The following STARD8 variants were observed in gnomAD, a reference collection of about 807,000 sequenced individuals.
STARD8 encodes the protein StAR related lipid transfer domain containing 8.
Under a neutral mutation model 69.4 loss-of-function variants are expected in STARD8, and 25 were observed. The ratio of observed to expected loss-of-function variants is 0.36; its 90% CI spans 0.26 to 0.50. The LOEUF (loss-of-function observed/expected upper bound fraction) is 0.50, where lower values mean the gene tolerates loss of function less well. STARD8 is among the 20% of genes least tolerant of loss of function. The pLI, the probability that STARD8 is intolerant of heterozygous loss-of-function variation, is 0.96. For synonymous variants in STARD8, 389 were observed against 374.6 expected, an observed-to-expected ratio of 1.04 and a Z score of -0.45; for missense variants, 921 against 932.5, an observed-to-expected ratio of 0.99 and a Z score of 0.16.
chrX:68,663,969 C>T (rs994462525), intron 1 of STARD8, among the ~76,000 whole-genome samples: 6 of 111,717 alleles, frequency 5.4e-5, no homozygotes, highest in East Asian at 2.8e-4. Flanking sequence ...TTGTGGGCTA[C>T]GAGGGTGGAT....
At position 68,647,868 on chromosome X, in the gene STARD8, T is replaced by C; in HGVS notation, c.-15T>C. ...GCACAGCCCCGCCGGCCCTAGAAGC[T>C]CCCCACGCGCCACCATGCCTCTGCT... is the stretch of plus-strand genomic sequence containing the variant. On this transcript the variant is annotated 5_prime_UTR_variant, in exon 1 of 15. Coordinates refer to ENST00000374599, the MANE Select transcript of STARD8 (RefSeq NM_001142503.3). 1 of 1,195,463 alleles carries C rather than the reference T, an allele frequency of 8.4e-7. No homozygotes were observed. The highest frequency in any genetic ancestry group is 1.1e-6 in the Non-Finnish European group (1 of 887,623).
chrX:68,652,509 G>T (rs1731334657), intron 1 of STARD8, among the ~76,000 whole-genome samples: 1 of 111,236 alleles, frequency 9.0e-6, no homozygotes, highest in South Asian at 3.8e-4. Context: ...AGACGTTTAA[G>T]TGTGAGATGA....
intron 1 of STARD8, among the ~76,000 whole-genome samples, chrX:68,665,237 C>T (rs1247219256): frequency 8.9e-6 from 1 of 112,158 alleles, no homozygotes; most frequent in South Asian, 3.8e-4. Flanking sequence ...GACCTGGGGG[C>T]CTTCTCCATT....
intron 2 of STARD8, among the ~76,000 whole-genome samples, chrX:68,709,545 C>T (rs2080034045): frequency 8.9e-6 from 1 of 111,732 alleles, no homozygotes; most frequent in Admixed American, 9.5e-5. Context: ...TGGTGGCTCA[C>T]ACCTGTAATC....
chrX:68,651,645 C>T (rs1323536827), intron 1 of STARD8, among the ~76,000 whole-genome samples: 1 of 110,837 alleles, frequency 9.0e-6, no homozygotes, highest in Non-Finnish European at 1.9e-5. Flanking sequence ...TTCCCTCCCC[C>T]ACCATATGGA....
chrX:68,659,818 G>A (rs781499302), intron 1 of STARD8, among the ~76,000 whole-genome samples: 6 of 111,607 alleles, frequency 5.4e-5, no homozygotes, highest in Non-Finnish European at 7.5e-5. Context: ...GTCAGGCCTG[G>A]AGCAGCCCTG....
rs774690470 is a variant in STARD8, at chrX:68,717,890, C to T, written c.976C>T (p.Arg326Cys). The part of the protein sequence containing the change: ...IESLCPEDGH[R>C]LADWQPGRRW... ...GAGCCTGTGTCCTGAGGATGGACAC[C>T]GCCTGGCAGACTGGCAGCCAGGTAG... Residue 326 changes from arginine to cysteine, a missense_variant, in exon 6 of 15, where the codon CGC becomes TGC. Transcript: ENST00000374599. The T allele has an allele frequency of 1.8e-5, 22 of 1,208,394 alleles. 1 individual carries two copies. The highest frequency in any genetic ancestry group is 2.3e-4 in the Middle Eastern group (1 of 4,348).
At chrX:68,689,855 T>C (rs1231957076) in intron 2 of STARD8, among the ~76,000 whole-genome samples, 1 of 110,718 alleles carries the variant, frequency 9.0e-6, no homozygotes, top group African/African-American at 3.3e-5. Flanking sequence ...TGGCAATGTA[T>C]AGACAGTGAG....
At chrX:68,664,969 G>A (rs1453137544) in intron 1 of STARD8, among the ~76,000 whole-genome samples, 9 of 112,078 alleles carry the variant, frequency 8.0e-5, no homozygotes, top group African/African-American at 2.3e-4. Flanking sequence ...CTAGTCTTAT[G>A]AATGCAGATG....
chrX:68,722,220 A>G (rs184512138), intron 11 of STARD8, 59 bp downstream of exon 11: 47 of 1,045,276 alleles, frequency 4.5e-5, no homozygotes, highest in Non-Finnish European at 5.9e-5. Flanking sequence ...ATCAGGCCTG[A>G]CCTCGGTGCC....
At chrX:68,667,152 A>G (rs1008254897) in intron 2 of STARD8, among the ~76,000 whole-genome samples, 1 of 112,276 alleles carries the variant, frequency 8.9e-6, no homozygotes. Flanking sequence ...GAAAATGTCT[A>G]TTTAAAGGCA....
At chrX:68,649,338 T>C (rs1602529362) in intron 1 of STARD8, among the ~76,000 whole-genome samples, 2 of 110,279 alleles carry the variant, frequency 1.8e-5, no homozygotes, top group East Asian at 5.8e-4. Flanking sequence ...TCTTTCGTGA[T>C]GTGGCTCAAA....
At chrX:68,665,185 G>A (rs761464054) in intron 1 of STARD8, among the ~76,000 whole-genome samples, 102 of 111,886 alleles carry the variant, frequency 9.1e-4, no homozygotes, top group African/African-American at 3.2e-3. Context: ...ATCAGGCCTC[G>A]GAACAGTACT....
Position 68,717,975 on chromosome X carries a change from C to T in STARD8, c.1061C>T (p.Thr354Met), listed in dbSNP as rs200294485. The T allele has an allele frequency of 1.8e-4, 215 of 1,208,478 alleles. 1 individual carries two copies. The highest frequency in any genetic ancestry group is 2.8e-4 in the Admixed American group (13 of 45,743). Residue 354 changes from threonine (T) to methionine (M), a missense_variant, in exon 6 of 15, where the codon ACG (threonine) becomes ATG (methionine). Transcript: ENST00000374599. ...SCGSTGSHAS[T>M]YDNLPELYPA... Reference sequence around the variant, plus strand: ...GGCTCAACGGGCAGCCATGCCAGCACGTATGACAACTTGCCTGAGCTGTAC... The same window carrying T: ...GGCTCAACGGGCAGCCATGCCAGCATGTATGACAACTTGCCTGAGCTGTAC...
At chrX:68,655,394 T>A (rs1348550152) in intron 1 of STARD8, among the ~76,000 whole-genome samples, 1 of 112,189 alleles carries the variant, frequency 8.9e-6, no homozygotes, top group Non-Finnish European at 1.9e-5. Flanking sequence ...GGCAAGGGCC[T>A]ATACTCCATA....
intron 4 of STARD8, 26 bp downstream of exon 4, chrX:68,715,401 G>C: frequency 7.8e-6 from 9 of 1,156,686 alleles, no homozygotes; most frequent in Non-Finnish European, 1.1e-5. Flanking sequence ...GCCAGGCCTG[G>C]GAAGCCAAAG....
chrX:68,653,360 C>T (rs1368690328), intron 1 of STARD8, among the ~76,000 whole-genome samples: 1 of 21,779 alleles, frequency 4.6e-5, no homozygotes, highest in Non-Finnish European at 9.1e-5. Context: ...CCCACACACA[C>T]CCCCAAACGC....
chrX:68,669,672 C>T (rs990845430), intron 2 of STARD8, among the ~76,000 whole-genome samples: 2 of 112,258 alleles, frequency 1.8e-5, no homozygotes, highest in African/African-American at 6.5e-5. Flanking sequence ...AGCCCCTGCT[C>T]GCAACCCAAC....
intron 1 of STARD8, among the ~76,000 whole-genome samples, chrX:68,654,541 G>A (rs185067339): frequency 2.0e-4 from 22 of 111,585 alleles, no homozygotes; most frequent in African/African-American, 6.9e-4. Context: ...CTTAGGTCAT[G>A]CACATGAGTG....
Sources: gnomAD v4.1 joint callset for allele counts (sites outside exome capture counted in the v4.1 genomes callset) on GRCh38, gnomAD v4.1.1 for gene constraint, MANE v1.5 for transcripts, NCBI Gene and HGNC (gene_info 2026-07-23, HGNC 2026-07-21) for gene names.